Variants in COL4A4 observed in about 807,000 individuals in gnomAD.
The protein encoded by COL4A4 is collagen alpha-4(IV) chain.
Under a neutral mutation model 192.9 loss-of-function variants are expected in COL4A4, and 105 were observed. That is an observed-to-expected ratio of 0.54 (90% CI 0.46 to 0.64). The LOEUF (loss-of-function observed/expected upper bound fraction) is 0.64, where lower values mean the gene tolerates loss of function less well. Ranked by LOEUF, COL4A4 falls within the 30% of genes least tolerant of loss-of-function variation. COL4A4 has a pLI of 0.00. For synonymous variants in COL4A4, 762 were observed against 769.9 expected (o/e 0.99, Z 0.17); for missense variants, 1,967 against 2,169.3 (o/e 0.91, Z 1.85).
chr2:227,129,560 C>T (rs748562611), intron 4 of COL4A4, among the ~76,000 whole-genome samples: 10 of 152,112 alleles, frequency 6.6e-5, no homozygotes, highest in African/African-American at 2.4e-4. Flanking sequence ...AGGCGGCCAC[C>T]ACCACGCCTG....
Position 227,161,549 on chromosome 2 carries a change from T to TTA in COL4A4, c.-102+2457_-102+2458insTA, listed in dbSNP as rs111826613. ...CTTCCAGTTAATTAACACCACCTGT[T>TTA]TGTTTGACAGGTGAGCCTGTCAAAC... On this transcript the variant is annotated intron_variant, in intron 1 of 47. Coordinates refer to ENST00000396625, the MANE Select transcript of COL4A4 (RefSeq NM_000092.5). 5.9e-3 allele frequency among the ~76,000 whole-genome samples: 898 copies of TTA among 152,312 alleles called. 14 individuals carry two copies. The highest frequency in any genetic ancestry group is 0.019 in the African/African-American group (802 of 41,570).
chr2:227,162,429 A>G (rs1299371292), intron 1 of COL4A4, among the ~76,000 whole-genome samples: 2 of 152,212 alleles, frequency 1.3e-5, no homozygotes, highest in Non-Finnish European at 2.9e-5. Context: ...TTTGTGAAAC[A>G]TAATCATGTG....
intron 9 of COL4A4, among the ~76,000 whole-genome samples, chr2:227,110,463 A>C (rs1023151852): frequency 3.9e-5 from 6 of 152,128 alleles, no homozygotes; most frequent in African/African-American, 1.4e-4. Flanking sequence ...GGCTCACTGC[A>C]TCTTCTGCCT....
At chr2:226,991,950 A>C in the COL4A4 span, among the ~76,000 whole-genome samples, 4 of 152,242 alleles carry the variant, frequency 2.6e-5, no homozygotes, top group Non-Finnish European at 5.9e-5. Context: ...ATTCCCTACT[A>C]ATACTTTTTC....
intron 19 of COL4A4, among the ~76,000 whole-genome samples, chr2:227,096,354 A>G (rs189832861): frequency 2.6e-4 from 40 of 152,272 alleles, no homozygotes; most frequent in African/African-American, 9.1e-4. Context: ...ACTGATTGCT[A>G]TTGTTTCAAA....
At chr2:227,071,180 T>A (rs1000836971) in intron 25 of COL4A4, among the ~76,000 whole-genome samples, 2 of 152,076 alleles carry the variant, frequency 1.3e-5, no homozygotes, top group Non-Finnish European at 2.9e-5. Flanking sequence ...AATACTCATA[T>A]AAACTCAAGA....
chr2:226,988,548 C>G, the COL4A4 span: 8 of 1,422,656 alleles, frequency 5.6e-6, no homozygotes, highest in Non-Finnish European at 7.3e-6. Flanking sequence ...GGCTGGCCCT[C>G]TCTGCGGACT....
At chr2:227,060,101 G>GAAAACAAAA in intron 27 of COL4A4, 35 bp downstream of exon 27, 4 of 503,760 alleles carry the variant, frequency 7.9e-6, no homozygotes, top group South Asian at 2.2e-5. Flanking sequence ...TCCCAAAGCA[G>GAAAACAAAA]AAAAAAAAAA....
intron 25 of COL4A4, among the ~76,000 whole-genome samples, chr2:227,069,171 G>A (rs2058550320): frequency 7.0e-6 from 1 of 143,658 alleles, no homozygotes; most frequent in Non-Finnish European, 1.5e-5. Context: ...GGATGTGAAG[G>A]ACCTCTTCAA....
chr2:227,085,302 C>A (rs1200826349), intron 22 of COL4A4, among the ~76,000 whole-genome samples: 5 of 152,118 alleles, frequency 3.3e-5, no homozygotes, highest in African/African-American at 9.7e-5. Context: ...CCCGCAGCCA[C>A]AGCAGCAGTG....
the COL4A4 span, among the ~76,000 whole-genome samples, chr2:226,977,514 A>G: frequency 1.6e-4 from 25 of 152,234 alleles, no homozygotes; most frequent in African/African-American, 6.0e-4. Context: ...CAGCAATTAC[A>G]ATGCAGTGCA....
chr2:227,138,761 C>T (rs1464137757), intron 4 of COL4A4, among the ~76,000 whole-genome samples: 1 of 152,154 alleles, frequency 6.6e-6, no homozygotes, highest in Non-Finnish European at 1.5e-5. Context: ...AATAAGGTAG[C>T]TGCTCCCAGT....
chr2:227,031,069 GGATA>G (rs1968273474), intron 40 of COL4A4, among the ~76,000 whole-genome samples: 1 of 151,980 alleles, frequency 6.6e-6, no homozygotes, highest in East Asian at 1.9e-4. Context: ...ATGGATGGAT[GGATA>G]GACTGATGGA....
intron 4 of COL4A4, among the ~76,000 whole-genome samples, 198 bp downstream of exon 4, chr2:227,139,963 C>T (rs1337651700): frequency 1.3e-5 from 2 of 152,204 alleles, no homozygotes; most frequent in Non-Finnish European, 2.9e-5. Flanking sequence ...TGAATCGCAG[C>T]TTCCTAGACT....
intron 6 of COL4A4, 67 bp from the exon 7 acceptor site, chr2:227,118,828 A>T: frequency 1.0e-6 from 1 of 958,112 alleles, no homozygotes; most frequent in East Asian, 2.4e-5. Flanking sequence ...GTTATGCAAT[A>T]TGAATACTCA....
chr2:227,056,071 C>G lies in COL4A4; in HGVS notation c.2590G>C (p.Gly864Arg). Residue 864 changes from glycine (G) to arginine (R), a missense_variant, in exon 30 of 48, where the codon GGG becomes CGG. Gly to Arg is a moderately radical substitution (Grantham distance 125, BLOSUM62 -2). Transcript: ENST00000396625. ...GGGAGGCCTTTCATTCCAGCTGGCC[C>G]GGGAGGCCCCACATCTCCCGGCTGT... The part of the protein sequence containing the change: ...KGQPGDVGPP[G>R]PAGMKGLPGL... 6.2e-7 allele frequency: 1 copy of G among 1,614,026 alleles called. No homozygotes were observed. The highest frequency in any genetic ancestry group is 8.5e-7 in the Non-Finnish European group (1 of 1,179,994).
chr2:226,969,246 A>C, the COL4A4 span: 1 of 152,098 alleles, frequency 6.6e-6, no homozygotes, highest in Non-Finnish European at 1.5e-5. Flanking sequence ...TTTGTCTAAA[A>C]TTTGTGTTTT....
At chr2:226,988,495 C>G in the COL4A4 span, 1 of 1,535,926 alleles carries the variant, frequency 6.5e-7, no homozygotes. Context: ...TGAGCAAAGA[C>G]TCAGGCCTTG....
chr2:227,065,424 C>T (rs1057367016), intron 25 of COL4A4, among the ~76,000 whole-genome samples: 1 of 152,230 alleles, frequency 6.6e-6, no homozygotes, highest in Non-Finnish European at 1.5e-5. Context: ...CCTCTGGGGG[C>T]AGGGCACAGA....
Sources: gnomAD v4.1 joint callset for allele counts (sites outside exome capture counted in the v4.1 genomes callset) on GRCh38, gnomAD v4.1.1 for gene constraint, MANE v1.5 for transcripts, NCBI Gene and HGNC (gene_info 2026-07-23, HGNC 2026-07-21) for gene names.